Variants in PPP6R3 observed in about 807,000 individuals in gnomAD.
PPP6R3 encodes the protein protein phosphatase 6 regulatory subunit 3.
PPP6R3 carries 38 observed loss-of-function variants against 110.7 expected under a neutral mutation model. The ratio of observed to expected loss-of-function variants is 0.34; its 90% CI spans 0.26 to 0.45. PPP6R3 has a LOEUF of 0.45. PPP6R3 is among the 20% of genes least tolerant of loss of function. The pLI, the probability that PPP6R3 is intolerant of heterozygous loss-of-function variation, is 1.00. For synonymous variants in PPP6R3, 369 were observed against 373.5 expected (o/e 0.99, Z 0.14); for missense variants, 870 against 1,062.4 (o/e 0.82, Z 2.52).
chr11:68,527,087 G>A (rs537534645), intron 2 of PPP6R3, among the ~76,000 whole-genome samples: 1 of 152,248 alleles, frequency 6.6e-6, no homozygotes, highest in South Asian at 2.1e-4. Flanking sequence ...AGACAGCTTA[G>A]AATTCTAAAG....
intron 1 of PPP6R3, chr11:68,515,293 T>C (rs1455866425): frequency 1.3e-5 from 2 of 154,722 alleles, no homozygotes; most frequent in Non-Finnish European, 2.9e-5. Flanking sequence ...ACATACTTTG[T>C]TGAGGCCAGG....
intron 2 of PPP6R3, among the ~76,000 whole-genome samples, chr11:68,526,020 A>G (rs956958185): frequency 8.5e-5 from 13 of 152,158 alleles, no homozygotes; most frequent in African/African-American, 2.9e-4. Context: ...ACCACCTCGT[A>G]TCTCTTCAGT....
At chr11:68,494,427 AAAAAAAG>A (rs1393718978) in intron 1 of PPP6R3, among the ~76,000 whole-genome samples, 4 of 151,064 alleles carry the variant, frequency 2.6e-5, no homozygotes, top group African/African-American at 9.7e-5. Flanking sequence ...AAAAAAAAAA[AAAAAAAG>A]CTGGTACCTA....
At chr11:68,609,558 G>A (rs1942261350) in intron 22 of PPP6R3, 2 of 1,542,464 alleles carry the variant, frequency 1.3e-6, no homozygotes, top group African/African-American at 1.4e-5. Context: ...ATTTCTAGGA[G>A]TATTCTGAAA....
chr11:68,521,026 C>T (rs2099161854), intron 2 of PPP6R3, among the ~76,000 whole-genome samples: 1 of 152,196 alleles, frequency 6.6e-6, no homozygotes, highest in Non-Finnish European at 1.5e-5. Context: ...CCTGCCTAGG[C>T]CTCCCAAAGT....
intron 19 of PPP6R3, among the ~76,000 whole-genome samples, chr11:68,597,446 A>G (rs2099617351): frequency 6.6e-6 from 1 of 152,200 alleles, no homozygotes; most frequent in African/African-American, 2.4e-5. Context: ...TTTGACTAAG[A>G]AGATCATTAT....
chr11:68,596,314 T>G, intron 19 of PPP6R3, 96 bp downstream of exon 19: 1 of 1,527,712 alleles, frequency 6.5e-7, no homozygotes, highest in Non-Finnish European at 9.0e-7. Flanking sequence ...TGAGATGATA[T>G]CTGAAGGAAA....
At chr11:68,550,215 A>G (rs963458869) in intron 5 of PPP6R3, among the ~76,000 whole-genome samples, 1 of 152,022 alleles carries the variant, frequency 6.6e-6, no homozygotes, top group Non-Finnish European at 1.5e-5. Flanking sequence ...TTGGGCCTCT[A>G]CCTCTGTGGT....
In PPP6R3 at chr11:68,614,717, G is replaced by A; in HGVS notation, c.*1600G>A. ...GGCAAGGGTGGGTCCCTTGACCTTT[G>A]CACGCCTCCTCAGGAACCCCCTTTC... On this transcript the variant is annotated 3_prime_UTR_variant, in exon 24 of 24. Transcript: ENST00000393800. 2.0e-6 allele frequency: 3 copies of A among 1,535,054 alleles called. No individual in the cohort carries two copies. The highest frequency in any genetic ancestry group is 2.4e-5 in the South Asian group (2 of 82,186).
At chr11:68,528,502 C>CT (rs1286358681) in intron 2 of PPP6R3, among the ~76,000 whole-genome samples, 4 of 150,846 alleles carry the variant, frequency 2.7e-5, no homozygotes, top group African/African-American at 4.9e-5. Context: ...ACTGCGTGAA[C>CT]TTTCTGTGTT....
rs199681663 is a variant in PPP6R3 at position 68,532,643 on chromosome 11, G to A, written c.-6-5016G>A. Among the ~76,000 whole-genome samples the A allele has an allele frequency of 1.7e-4, 26 of 152,254 alleles. No individual in the cohort carries two copies. In the East Asian group the frequency reaches 2.5e-3, roughly 15 times the overall value. On this transcript the variant is annotated intron_variant, in intron 2 of 23. Transcript: ENST00000393800. The stretch of plus-strand genomic sequence containing the variant: ...ATTCCCGTCACCTAATGACTGATAC[G>A]AATGAAAATTCCTGTTACCTAATGA...
intron 15 of PPP6R3, 104 bp from the exon 16 acceptor site, chr11:68,587,823 T>C (rs1289444680): frequency 1.0e-6 from 1 of 980,208 alleles, no homozygotes. Flanking sequence ...TTTATAGCCC[T>C]ATGGCTATGT....
In PPP6R3 at chr11:68,574,168, T is replaced by TC; in HGVS notation, c.1404dup (p.Val469ArgfsTer5). On this transcript the variant is annotated frameshift_variant, in exon 13 of 24. Transcript: ENST00000393800. LOFTEE classifies it high-confidence loss of function. Reference sequence around the variant, plus strand: ...CACCTAACGAGGATAGCTAACTGTATCGTGCACAGCACTGACAAGGGCCCC... The same window carrying TC: ...CACCTAACGAGGATAGCTAACTGTATCCGTGCACAGCACTGACAAGGGCCCC... 1 of 1,614,118 alleles carries TC rather than the reference T, an allele frequency of 6.2e-7. No homozygotes were observed. Among genetic ancestry groups the TC allele is most frequent in the Non-Finnish European group, 8.5e-7 (1 of 1,179,948 alleles).
In PPP6R3 at chr11:68,461,205, C is replaced by T. The variant is rs547593079; in HGVS notation, c.-158+378C>T. 5.5e-4 allele frequency among the ~76,000 whole-genome samples: 84 copies of T among 151,514 alleles called. 1 individual carries two copies. The highest frequency in any genetic ancestry group is 1.9e-3 in the African/African-American group (80 of 41,460). ...CGGCCGCGGCCCGCAGTCTCGCCCC[C>T]CGCCCGGCCCGCGCCCGGTCTCCGC... On this transcript the variant is annotated intron_variant, in intron 1 of 23. Coordinates refer to ENST00000393800, the MANE Select transcript of PPP6R3 (RefSeq NM_001164161.2).
At chr11:68,478,990 A>G (rs947910013) in intron 1 of PPP6R3, among the ~76,000 whole-genome samples, 1 of 152,170 alleles carries the variant, frequency 6.6e-6, no homozygotes, top group African/African-American at 2.4e-5. Context: ...ATTTTCATAT[A>G]TGAAAGAAGT....
chr11:68,583,882 G>A (rs2099570151), intron 15 of PPP6R3, among the ~76,000 whole-genome samples: 1 of 152,114 alleles, frequency 6.6e-6, no homozygotes, highest in African/African-American at 2.4e-5. Context: ...AATTAACGGG[G>A]ACACCTTCCC....
intron 1 of PPP6R3, among the ~76,000 whole-genome samples, chr11:68,483,610 G>A (rs2098929157): frequency 2.0e-5 from 3 of 152,134 alleles, no homozygotes; most frequent in Admixed American, 1.3e-4. Flanking sequence ...AGCCTCCTGA[G>A]TAGCTGGAAT....
intron 2 of PPP6R3, among the ~76,000 whole-genome samples, chr11:68,520,614 C>G (rs1485380301): frequency 6.6e-6 from 1 of 152,196 alleles, no homozygotes; most frequent in Admixed American, 6.5e-5. Flanking sequence ...TGAGCTTAAA[C>G]AGTGATGTCC....
intron 12 of PPP6R3, 135 bp from the exon 13 acceptor site, chr11:68,573,974 C>T: frequency 1.7e-6 from 1 of 594,136 alleles, no homozygotes; most frequent in Non-Finnish European, 3.0e-6. Context: ...TTTTTCTTTT[C>T]TTTTCTGTCC....
Sources: allele counts gnomAD v4.1 joint callset (sites outside exome capture counted in the v4.1 genomes callset), GRCh38; gene constraint gnomAD v4.1.1; transcripts MANE v1.5; gene names NCBI Gene and HGNC (gene_info 2026-07-23, HGNC 2026-07-21).